WDR47: variants seen among roughly 807,000 people sequenced by gnomAD.
The protein encoded by WDR47 is WD repeat domain 47.
Under a neutral mutation model 97.2 loss-of-function variants are expected in WDR47, and 32 were observed. The observed-to-expected ratio is 0.33, with a 90% CI of 0.25 to 0.44. The LOEUF (loss-of-function observed/expected upper bound fraction) is 0.44, where lower values mean the gene tolerates loss of function less well. Ranked by LOEUF, WDR47 falls within the 20% of genes least tolerant of loss-of-function variation. The probability of loss-of-function intolerance (pLI) is 1.00; values close to 1 mark genes in which losing one functional copy is unlikely to be tolerated. For synonymous variants in WDR47, 375 were observed against 373.5 expected (o/e 1.00, Z -0.05); for missense variants, 782 against 1,102.3 (o/e 0.71, Z 4.11).
At chr1:109,004,763 A>G in intron 5 of WDR47, 48 bp from the exon 6 acceptor site, 1 of 1,538,830 alleles carries the variant, frequency 6.5e-7, no homozygotes, top group South Asian at 1.3e-5. Context: ...GGGGGGAGTA[A>G]AGGAAAATAT....
chr1:109,038,345 T>C (rs1001178336), intron 1 of WDR47, among the ~76,000 whole-genome samples: 9 of 152,166 alleles, frequency 5.9e-5, no homozygotes, highest in African/African-American at 1.9e-4. Context: ...AAATTTACTT[T>C]GGAATAAGCT....
At chr1:109,035,538 C>A (rs1299895993) in intron 1 of WDR47, among the ~76,000 whole-genome samples, 2 of 149,906 alleles carry the variant, frequency 1.3e-5, no homozygotes, top group Non-Finnish European at 3.0e-5. Flanking sequence ...TACTCTGTCG[C>A]CCAGGCTGGA....
At chr1:109,025,475 C>G (rs1662147090) in intron 1 of WDR47, among the ~76,000 whole-genome samples, 1 of 148,514 alleles carries the variant, frequency 6.7e-6, no homozygotes, top group South Asian at 2.1e-4. Flanking sequence ...GTGGCTCACA[C>G]CTGTAATCCC....
chr1:108,986,253 CA>C (rs1658794677), intron 10 of WDR47, among the ~76,000 whole-genome samples: 1 of 151,848 alleles, frequency 6.6e-6, no homozygotes. Flanking sequence ...AAACAAAATA[CA>C]AAAGCCATGG....
At chr1:108,972,128 A>T (rs1657497648) in intron 14 of WDR47, among the ~76,000 whole-genome samples, 2 of 152,048 alleles carry the variant, frequency 1.3e-5, no homozygotes, top group Admixed American at 1.3e-4. Context: ...TTCTTGCCTA[A>T]ACCTGTTCCT....
chr1:109,010,683 C>T (rs998116684), intron 5 of WDR47, among the ~76,000 whole-genome samples: 5 of 150,998 alleles, frequency 3.3e-5, no homozygotes, highest in East Asian at 2.0e-4. Flanking sequence ...CCCGGGTTCA[C>T]GCCATTCTCC....
At chr1:108,983,513 T>C in intron 10 of WDR47, 62 bp from the exon 11 acceptor site, 1 of 1,378,444 alleles carries the variant, frequency 7.3e-7, no homozygotes, top group Non-Finnish European at 9.6e-7. Flanking sequence ...AGTTATGAGG[T>C]TCCATATTAT....
chr1:108,989,439 G>A (rs915070398), intron 9 of WDR47, among the ~76,000 whole-genome samples: 4 of 152,200 alleles, frequency 2.6e-5, no homozygotes, highest in East Asian at 1.9e-4. Context: ...GATGTGTTAC[G>A]CTATGTATGT....
chr1:109,006,538 ACATTT>A (rs1389564434), intron 5 of WDR47, among the ~76,000 whole-genome samples: 2 of 152,336 alleles, frequency 1.3e-5, no homozygotes, highest in South Asian at 4.1e-4. Context: ...TCAAAAAGTA[ACATTT>A]CATTTAATTT....
At chr1:109,039,493 C>A (rs1254039893) in intron 1 of WDR47, among the ~76,000 whole-genome samples, 1 of 152,120 alleles carries the variant, frequency 6.6e-6, no homozygotes, top group Non-Finnish European at 1.5e-5. Flanking sequence ...CCTGACCTCA[C>A]GTGATCCGCC....
chr1:109,014,831 G>A (rs776641778), intron 3 of WDR47, among the ~76,000 whole-genome samples: 1 of 152,088 alleles, frequency 6.6e-6, no homozygotes, highest in Non-Finnish European at 1.5e-5. Context: ...ATTGCCTGAA[G>A]CAATTTATAG....
In WDR47 at chr1:108,988,405, T is replaced by C. The variant is rs879176793; in HGVS notation, c.1768-1725A>G. On this transcript the variant is annotated intron_variant, in intron 9 of 14. Transcript: ENST00000369962. ...GATTATTAATCTGCTTAAGAAAAAA[T>C]GTTTACCATTATCTCTATCAATGAA... 3.3e-5 allele frequency among the ~76,000 whole-genome samples: 5 copies of C among 151,974 alleles called. No homozygotes were observed. The South Asian group carries it at 1.0e-3, about 32-fold the overall frequency.
At position 108,974,600 on chromosome 1, in the gene WDR47, G is replaced by T. The variant is rs550345176; in HGVS notation, c.2553C>A (p.Ser851=). The T allele has an allele frequency of 1.2e-6, 2 of 1,614,090 alleles. No homozygotes were observed. The highest frequency in any genetic ancestry group is 1.7e-6 in the Non-Finnish European group (2 of 1,180,000). The change falls in exon 14 of 15, where the codon TCC becomes TCA. Residue 851 remains serine (S), a synonymous_variant. Coordinates refer to ENST00000369962, the MANE Select transcript of WDR47 (RefSeq NM_001142551.2). ...HSSDVRSVRF[S]PGAHYLLTGS... The stretch of plus-strand genomic sequence containing the variant: ...CTGTTAGCAAGTAGTGAGCTCCAGG[G>T]GAGAATCGAACAGAGCGAACATCAC...
chr1:108,986,739 C>A (rs1352583419), intron 9 of WDR47, 59 bp from the exon 10 acceptor site: 6 of 1,351,868 alleles, frequency 4.4e-6, no homozygotes, highest in Non-Finnish European at 4.0e-6. Context: ...AAGAATTCAT[C>A]TTTCTCCCAT....
intron 8 of WDR47, chr1:108,992,945 G>T: frequency 1.2e-6 from 1 of 816,634 alleles, no homozygotes; most frequent in South Asian, 1.7e-5. Context: ...TAGAACTTAA[G>T]TTTCCAACTT....
chr1:109,000,911 T>C (rs1355504659), intron 7 of WDR47, among the ~76,000 whole-genome samples: 3 of 152,186 alleles, frequency 2.0e-5, no homozygotes, highest in Admixed American at 6.5e-5. Flanking sequence ...GTGCCAGAAC[T>C]GTTGTAAGCA....
At chr1:109,017,462 G>GT (rs1661498809) in intron 3 of WDR47, 56 bp downstream of exon 3, 1 of 1,455,098 alleles carries the variant, frequency 6.9e-7, no homozygotes, top group African/African-American at 1.4e-5. Context: ...TTTGTTCATT[G>GT]TTTTGCTAAG....
chr1:109,014,439 T>TC (rs1278715570), intron 3 of WDR47, among the ~76,000 whole-genome samples: 1 of 146,996 alleles, frequency 6.8e-6, no homozygotes, highest in African/African-American at 2.5e-5. Flanking sequence ...TTCCTTTTCT[T>TC]TTTTTTTTTT....
chr1:108,986,906 T>C (rs1658873823), intron 9 of WDR47: 1 of 375,826 alleles, frequency 2.7e-6, no homozygotes, highest in Admixed American at 4.1e-5. Context: ...AGTGAAGAAA[T>C]CTTATTTTGG....
Sources: gnomAD v4.1 joint callset for allele counts (sites outside exome capture counted in the v4.1 genomes callset) on GRCh38, gnomAD v4.1.1 for gene constraint, MANE v1.5 for transcripts, NCBI Gene and HGNC (gene_info 2026-07-23, HGNC 2026-07-21) for gene names.